CEP128: variants seen among roughly 807,000 people sequenced by gnomAD.
CEP128 encodes centrosomal protein 128.
CEP128 carries 132 observed loss-of-function variants against 156.7 expected under a neutral mutation model. The observed-to-expected ratio is 0.84, with a 90% confidence interval of 0.73 to 0.97. The LOEUF is 0.97. Among genes scored for constraint, CEP128 ranks in the 50% least tolerant of loss-of-function variants. The probability of loss-of-function intolerance (pLI) is 0.00; values close to 1 mark genes in which losing one functional copy is unlikely to be tolerated. For missense variants in CEP128, 1,252 were observed against 1,281.9 expected, an observed-to-expected ratio of 0.98 and a Z score of 0.36; for synonymous variants, 469 against 448.9, an observed-to-expected ratio of 1.04 and a Z score of -0.57.
intron 21 of CEP128, among the ~76,000 whole-genome samples, chr14:80,541,252 G>T (rs1889743827): frequency 6.6e-6 from 1 of 151,986 alleles, no homozygotes; most frequent in African/African-American, 2.4e-5. Context: ...TCTTCCTATA[G>T]CAGGTTAGGA....
rs146369724 is a variant in CEP128, at chr14:80,524,580, A to G, written c.3072+2289T>C. Among the ~76,000 whole-genome samples the G allele has an allele frequency of 6.6e-3, 999 of 152,244 alleles. 31 individuals carry two copies. The highest frequency in any genetic ancestry group is 2.0e-3 in the Non-Finnish European group (139 of 67,992). Reference sequence around the variant, plus strand: ...AGTCTTTTGTAAAAAACTTATTTTCATGAAAGGAATATGAGAAAACGACCA... The same window carrying G: ...AGTCTTTTGTAAAAAACTTATTTTCGTGAAAGGAATATGAGAAAACGACCA... On this transcript the variant is annotated intron_variant, in intron 23 of 24. Coordinates refer to ENST00000555265, the MANE Select transcript of CEP128 (RefSeq NM_152446.5).
chr14:80,659,336 C>A (rs1462498519), intron 19 of CEP128, among the ~76,000 whole-genome samples: 2 of 152,096 alleles, frequency 1.3e-5, no homozygotes, highest in African/African-American at 2.4e-5. Context: ...TCTTAACATG[C>A]ATTAAAATTC....
intron 3 of CEP128, among the ~76,000 whole-genome samples, chr14:80,916,083 C>G (rs929471178): frequency 6.6e-6 from 1 of 152,176 alleles, no homozygotes; most frequent in Non-Finnish European, 1.5e-5. Context: ...TGACCCTTCC[C>G]TGCTGGCTTT....
At chr14:80,914,938 T>C (rs2139497853) in intron 3 of CEP128, among the ~76,000 whole-genome samples, 1 of 152,354 alleles carries the variant, frequency 6.6e-6, no homozygotes, top group African/African-American at 2.4e-5. Context: ...AAGGTATTTC[T>C]TTCAAAAATA....
intron 19 of CEP128, among the ~76,000 whole-genome samples, chr14:80,673,328 G>C (rs1375396909): frequency 1.3e-5 from 2 of 152,146 alleles, no homozygotes; most frequent in Admixed American, 6.5e-5. Context: ...TGTTTCATTA[G>C]AGTTGATGAG....
chr14:80,805,848 A>G (rs1266035219), intron 13 of CEP128, among the ~76,000 whole-genome samples: 6 of 152,342 alleles, frequency 3.9e-5, no homozygotes, highest in Non-Finnish European at 8.8e-5. Context: ...GCTGTCATTC[A>G]TTGAGACCAT....
At chr14:80,796,555 A>G (rs1249741589) in intron 13 of CEP128, among the ~76,000 whole-genome samples, 1 of 151,986 alleles carries the variant, frequency 6.6e-6, no homozygotes, top group Non-Finnish European at 1.5e-5. Flanking sequence ...CTTAACTTTC[A>G]TAATACTACT....
intron 19 of CEP128, among the ~76,000 whole-genome samples, chr14:80,739,034 T>G (rs1453239926): frequency 1.3e-5 from 2 of 152,220 alleles, no homozygotes; most frequent in African/African-American, 2.4e-5. Context: ...AAACCACTCC[T>G]AAGACTTCTA....
chr14:80,773,249 T>C (rs1311544346), intron 16 of CEP128, among the ~76,000 whole-genome samples: 2 of 152,186 alleles, frequency 1.3e-5, no homozygotes, highest in African/African-American at 4.8e-5. Context: ...GGAAAATAAA[T>C]GTCTTTATGG....
At chr14:80,701,079 C>T (rs765963270) in intron 19 of CEP128, among the ~76,000 whole-genome samples, 1 of 152,114 alleles carries the variant, frequency 6.6e-6, no homozygotes, top group African/African-American at 2.4e-5. Flanking sequence ...AAACTGAAGG[C>T]AGAGCAGGGG....
chr14:80,780,812 T>G (rs1901067325), intron 15 of CEP128, among the ~76,000 whole-genome samples: 1 of 152,234 alleles, frequency 6.6e-6, no homozygotes, highest in Non-Finnish European at 1.5e-5. Context: ...TCTGTATGTC[T>G]GGAACATTAT....
chr14:80,891,474 T>G (rs1889096297), intron 8 of CEP128, among the ~76,000 whole-genome samples: 1 of 150,686 alleles, frequency 6.6e-6, no homozygotes. Flanking sequence ...ACAATACATG[T>G]AGGAGCTAAA....
chr14:80,888,580 G>T lies in CEP128; in HGVS notation c.645+7138C>A, dbSNP rs183181076. Among the ~76,000 whole-genome samples the T allele has an allele frequency of 6.6e-4, 100 of 152,174 alleles. No individual in the cohort carries two copies. The South Asian group carries it at 6.8e-3, about 10-fold the overall frequency. ...AAAAGGCCTTTGACAAAATTCAACA[G>T]CGCTTCATGCTAAAAACACTCAAGA... is the stretch of plus-strand genomic sequence containing the variant. On this transcript the variant is annotated intron_variant, in intron 8 of 24. Coordinates refer to ENST00000555265, the MANE Select transcript of CEP128 (RefSeq NM_152446.5).
intron 17 of CEP128, among the ~76,000 whole-genome samples, chr14:80,758,873 TAGAGAAGAA>T (rs927244326): frequency 6.6e-6 from 1 of 152,200 alleles, no homozygotes; most frequent in Non-Finnish European, 1.5e-5. Context: ...CATGAACTCT[TAGAGAAGAA>T]AGAGCTTACA....
At chr14:80,501,335 C>G (rs2140180395) in intron 24 of CEP128, among the ~76,000 whole-genome samples, 1 of 152,128 alleles carries the variant, frequency 6.6e-6, no homozygotes, top group East Asian at 1.9e-4. Context: ...CAGTCTTTAT[C>G]TACGAATGAA....
chr14:80,621,890 G>A (rs1425378191), intron 19 of CEP128, among the ~76,000 whole-genome samples: 2 of 152,094 alleles, frequency 1.3e-5, no homozygotes, highest in East Asian at 3.9e-4. Context: ...AACAATTCCT[G>A]TTAGTGACTG....
intron 18 of CEP128, among the ~76,000 whole-genome samples, chr14:80,744,492 T>C (rs1389990878): frequency 1.3e-5 from 2 of 151,060 alleles, no homozygotes; most frequent in Admixed American, 1.3e-4. Context: ...AAAAATATTG[T>C]TTTTAAAAAT....
chr14:80,793,134 T>C (rs767340753), intron 13 of CEP128, 24 bp from the exon 14 acceptor site: 3 of 1,576,810 alleles, frequency 1.9e-6, no homozygotes, highest in Non-Finnish European at 2.6e-6. Context: ...ATGCAAAACA[T>C]TAGGAACAAA....
intron 19 of CEP128, among the ~76,000 whole-genome samples, chr14:80,667,489 G>T (rs544893476): frequency 2.0e-5 from 3 of 152,138 alleles, no homozygotes; most frequent in Non-Finnish European, 4.4e-5. Flanking sequence ...CAATAAAAAT[G>T]AGTTTTTGAA....
Sources: gnomAD v4.1 joint callset for allele counts (sites outside exome capture counted in the v4.1 genomes callset) on GRCh38, gnomAD v4.1.1 for gene constraint, MANE v1.5 for transcripts, NCBI Gene and HGNC (gene_info 2026-07-23, HGNC 2026-07-21) for gene names.